ERBB4: variants seen among roughly 807,000 people sequenced by gnomAD.
ERBB4 encodes the protein receptor tyrosine-protein kinase erbB-4.
In ERBB4, 42 loss-of-function variants were observed where a neutral mutation model predicts 158.0. That is an observed-to-expected ratio of 0.27 (90% CI 0.21 to 0.34). The LOEUF is 0.34. ERBB4 is among the 10% of genes least tolerant of loss of function. The probability of loss-of-function intolerance (pLI) is 1.00; values close to 1 mark genes in which losing one functional copy is unlikely to be tolerated. For synonymous variants in ERBB4, 583 were observed against 558.7 expected (o/e 1.04, Z -0.61); for missense variants, 1,333 against 1,624.1 (o/e 0.82, Z 3.08).
chr2:211,577,289 C>T (rs550863390), intron 19 of ERBB4, among the ~76,000 whole-genome samples: 1 of 152,218 alleles, frequency 6.6e-6, no homozygotes, highest in African/African-American at 2.4e-5. Context: ...CAGGTTGGTA[C>T]TAGGGCTTGG....
At chr2:212,281,145 T>C (rs1478381859) in intron 1 of ERBB4, among the ~76,000 whole-genome samples, 1 of 151,724 alleles carries the variant, frequency 6.6e-6, no homozygotes, top group African/African-American at 2.4e-5. Context: ...AGAAATCTTC[T>C]GAAACCGTCA....
intron 20 of ERBB4, among the ~76,000 whole-genome samples, chr2:211,541,619 GTTC>G (rs1352565960): frequency 6.6e-6 from 1 of 151,994 alleles, no homozygotes; most frequent in South Asian, 2.1e-4. Flanking sequence ...TAATACAGGT[GTTC>G]TTCTTCATCA....
At chr2:212,416,481 T>G (rs2091655793) in intron 1 of ERBB4, among the ~76,000 whole-genome samples, 1 of 152,018 alleles carries the variant, frequency 6.6e-6, no homozygotes, top group African/African-American at 2.4e-5. Context: ...CTTTTTATAT[T>G]AAAAAAATAG....
chr2:212,130,851 C>T (rs1360720088), intron 1 of ERBB4, among the ~76,000 whole-genome samples: 1 of 152,212 alleles, frequency 6.6e-6, no homozygotes, highest in Non-Finnish European at 1.5e-5. Flanking sequence ...ATATTTAAGT[C>T]ATGTATATAT....
intron 25 of ERBB4, among the ~76,000 whole-genome samples, chr2:211,415,036 A>G (rs1477971565): frequency 2.8e-5 from 4 of 143,738 alleles, no homozygotes; most frequent in African/African-American, 1.0e-4. Context: ...TACTATTTTT[A>G]TTATTTCATA....
At chr2:211,659,829 A>C (rs1279808890) in intron 15 of ERBB4, among the ~76,000 whole-genome samples, 1 of 152,200 alleles carries the variant, frequency 6.6e-6, no homozygotes, top group Non-Finnish European at 1.5e-5. Context: ...CAGATGCATA[A>C]ACAGATGTGT....
At chr2:212,193,316 G>C (rs1288379544) in intron 1 of ERBB4, among the ~76,000 whole-genome samples, 3 of 152,100 alleles carry the variant, frequency 2.0e-5, no homozygotes, top group Non-Finnish European at 2.9e-5. Flanking sequence ...CACTCTGTAG[G>C]CTCAAGTGAT....
intron 1 of ERBB4, among the ~76,000 whole-genome samples, chr2:212,445,705 A>T (rs535933296): frequency 6.6e-6 from 1 of 152,244 alleles, no homozygotes; most frequent in South Asian, 2.1e-4. Context: ...AGCCCAATCC[A>T]GGCAGGACTA....
At chr2:212,033,291 C>A (rs1231239530) in intron 2 of ERBB4, among the ~76,000 whole-genome samples, 1 of 151,760 alleles carries the variant, frequency 6.6e-6, no homozygotes, top group African/African-American at 2.4e-5. Flanking sequence ...AGTGGAGGAC[C>A]CTTGGGATCT....
chr2:211,559,407 A>T (rs2067325051), intron 20 of ERBB4, among the ~76,000 whole-genome samples: 1 of 152,216 alleles, frequency 6.6e-6, no homozygotes, highest in Admixed American at 6.5e-5. Context: ...TTTTCTTGCT[A>T]TACTGGGTAA....
chr2:212,081,881 A>T (rs1253616908), intron 2 of ERBB4, among the ~76,000 whole-genome samples: 2 of 152,270 alleles, frequency 1.3e-5, no homozygotes, highest in East Asian at 1.9e-4. Context: ...ACATCAGACA[A>T]TTATAAAGCA....
chr2:211,995,340 T>A lies in ERBB4; in HGVS notation c.235-47724A>T, dbSNP rs532131086. 4.6e-5 allele frequency among the ~76,000 whole-genome samples: 7 copies of A among 152,358 alleles called. No homozygotes were observed. The South Asian group carries it at 1.4e-3, about 32-fold the overall frequency. On this transcript the variant is annotated intron_variant, in intron 2 of 27. Coordinates refer to ENST00000342788, the MANE Select transcript of ERBB4 (RefSeq NM_005235.3). ...AGTTAGAGGAACTCTAATTGATGATTGCAATAGTTCTTATGTGTAAATTCG... is the reference window on the plus strand; with the variant it reads ...AGTTAGAGGAACTCTAATTGATGATAGCAATAGTTCTTATGTGTAAATTCG...
chr2:211,529,476 G>C (rs1226958331), intron 20 of ERBB4, among the ~76,000 whole-genome samples: 1 of 152,042 alleles, frequency 6.6e-6, no homozygotes, highest in Non-Finnish European at 1.5e-5. Context: ...TGCAGGAGGA[G>C]GGAATAGTTT....
At chr2:212,297,358 T>A (rs948544094) in intron 1 of ERBB4, among the ~76,000 whole-genome samples, 2 of 73,288 alleles carry the variant, frequency 2.7e-5, no homozygotes, top group Non-Finnish European at 9.0e-5. Flanking sequence ...TAGTTCTTCA[T>A]CCCTAGCCAA....
intron 20 of ERBB4, among the ~76,000 whole-genome samples, chr2:211,532,883 AAC>A (rs1160936076): frequency 4.6e-5 from 7 of 151,922 alleles, no homozygotes; most frequent in African/African-American, 9.7e-5. Flanking sequence ...AGCTATAGTA[AAC>A]AGTTTTTAGC....
chr2:212,151,108 C>T (rs887178578), intron 1 of ERBB4, among the ~76,000 whole-genome samples: 2 of 151,832 alleles, frequency 1.3e-5, no homozygotes, highest in African/African-American at 4.8e-5. Flanking sequence ...CATAATTAAG[C>T]TTTCTAATTT....
At chr2:212,438,900 A>C (rs1367113974) in intron 1 of ERBB4, among the ~76,000 whole-genome samples, 2 of 152,138 alleles carry the variant, frequency 1.3e-5, no homozygotes, top group African/African-American at 4.8e-5. Flanking sequence ...AAAGAAGCAA[A>C]ACAGGGAATC....
intron 1 of ERBB4, among the ~76,000 whole-genome samples, chr2:212,385,043 C>T (rs529602386): frequency 1.3e-3 from 201 of 151,376 alleles, no homozygotes; most frequent in African/African-American, 4.8e-3. Context: ...TAGCTGCAAT[C>T]TTCATGTTTA....
At position 212,148,447 on chromosome 2, in the gene ERBB4, G is replaced by A. The variant is rs150703465; in HGVS notation, c.83-23544C>T. Reference sequence around the variant, plus strand: ...CTTTATGGCACAGAAAAACATATAGGATGGCATTATTTCCCTTTACTATCT... The same window carrying A: ...CTTTATGGCACAGAAAAACATATAGAATGGCATTATTTCCCTTTACTATCT... On this transcript the variant is annotated intron_variant, in intron 1 of 27. Coordinates refer to ENST00000342788, the MANE Select transcript of ERBB4 (RefSeq NM_005235.3). Among the ~76,000 whole-genome samples, 276 of 152,158 alleles carry A rather than the reference G, an allele frequency of 1.8e-3. 5 individuals carry two copies. Among genetic ancestry groups the A allele is most frequent in the Admixed American group, 0.017 (258 of 15,282 alleles).
Sources: allele counts gnomAD v4.1 joint callset (sites outside exome capture counted in the v4.1 genomes callset), GRCh38; gene constraint gnomAD v4.1.1; transcripts MANE v1.5; gene names NCBI Gene and HGNC (gene_info 2026-07-23, HGNC 2026-07-21).